GRIK1: variants seen among roughly 807,000 people sequenced by gnomAD.
GRIK1 encodes the protein glutamate receptor ionotropic, kainate 1.
Under a neutral mutation model 105.7 loss-of-function variants are expected in GRIK1, and 69 were observed. The observed-to-expected ratio is 0.65, with a 90% CI of 0.54 to 0.80. GRIK1 has a LOEUF of 0.80. GRIK1 is among the 30% of genes least tolerant of loss of function. GRIK1 has a pLI of 0.00. For synonymous variants in GRIK1, 438 were observed against 431.3 expected (o/e 1.02, Z -0.19); for missense variants, 1,109 against 1,167.3 (o/e 0.95, Z 0.73).
intron 4 of GRIK1, among the ~76,000 whole-genome samples, chr21:29,655,457 T>C (rs1002351082): frequency 3.9e-5 from 6 of 152,260 alleles, no homozygotes; most frequent in Middle Eastern, 3.4e-3. Context: ...TTTGGAGTTG[T>C]CCATAATGCA....
rs182494798 is a variant in GRIK1, at chr21:29,760,121, C to T, written c.119-66058G>A. 3.9e-5 allele frequency: 6 copies of T among 152,250 alleles called. No individual in the cohort carries two copies. In the East Asian group the frequency reaches 7.7e-4, roughly 20 times the overall value. The allele number at this position is 152,250 out of a possible 1,614,324, so 9.4% of individuals were successfully genotyped here. ...GATTGGCCTGTGGGAGATTTGAATC[C>T]GGTTTTTCTGACTCCAAAGCCTTAC... On this transcript the variant is annotated intron_variant, in intron 1 of 17. Coordinates refer to ENST00000327783, the MANE Select transcript of GRIK1 (RefSeq NM_001330994.2).
At chr21:29,808,916 A>G (rs1466034370) in intron 1 of GRIK1, among the ~76,000 whole-genome samples, 2 of 152,154 alleles carry the variant, frequency 1.3e-5, no homozygotes, top group African/African-American at 4.8e-5. Context: ...AGGCTGATAC[A>G]CTTTTTGAAT....
At chr21:29,932,581 T>C (rs1403546858) in intron 1 of GRIK1, among the ~76,000 whole-genome samples, 4 of 152,042 alleles carry the variant, frequency 2.6e-5, no homozygotes, top group Admixed American at 6.5e-5. Flanking sequence ...TTTCAAACAA[T>C]TAATTTAATT....
chr21:29,569,108 A>T (rs2090679025), intron 14 of GRIK1, among the ~76,000 whole-genome samples: 1 of 152,190 alleles, frequency 6.6e-6, no homozygotes, highest in Non-Finnish European at 1.5e-5. Context: ...CTTCTTCTGG[A>T]CTTTTCTGTC....
intron 1 of GRIK1, among the ~76,000 whole-genome samples, chr21:29,839,366 T>C (rs779988836): frequency 5.3e-5 from 8 of 152,188 alleles, no homozygotes; most frequent in Non-Finnish European, 1.2e-4. Flanking sequence ...TTTCTAGTTG[T>C]AATTTGAGTA....
intron 7 of GRIK1, among the ~76,000 whole-genome samples, chr21:29,619,583 A>C (rs1243048997): frequency 6.6e-6 from 1 of 151,996 alleles, no homozygotes; most frequent in Non-Finnish European, 1.5e-5. Flanking sequence ...ACCACTAAAT[A>C]ACTTACTTAT....
At chr21:29,868,302 C>T (rs2068896521) in intron 1 of GRIK1, among the ~76,000 whole-genome samples, 1 of 152,148 alleles carries the variant, frequency 6.6e-6, no homozygotes, top group African/African-American at 2.4e-5. Context: ...TTGTCTGAGA[C>T]ATATTTACTT....
chr21:29,590,277 A>G (rs2146288589), intron 10 of GRIK1, among the ~76,000 whole-genome samples: 1 of 152,328 alleles, frequency 6.6e-6, no homozygotes, highest in Admixed American at 6.5e-5. Context: ...CAATTCTCAC[A>G]AGTTAATAAT....
In GRIK1 at chr21:29,695,476, C is replaced by CATCTATA. The variant is rs1555874150; in HGVS notation, c.119-1414_119-1413insTATAGAT. 1.6e-4 allele frequency among the ~76,000 whole-genome samples: 23 copies of CATCTATA among 140,026 alleles called. No homozygotes were observed. In the East Asian group the frequency reaches 3.0e-3, roughly 18 times the overall value. The allele number at this position is 140,026 out of a possible 152,430, so 91.9% of individuals were successfully genotyped here. On this transcript the variant is annotated intron_variant, in intron 1 of 17. Coordinates refer to ENST00000327783, the MANE Select transcript of GRIK1 (RefSeq NM_001330994.2). The stretch of plus-strand genomic sequence containing the variant: ...TCTATCTATCTATCTATCTATCTAT[C>CATCTATA]TATATATATATATTTTGAGATGGAG...
intron 1 of GRIK1, among the ~76,000 whole-genome samples, chr21:29,878,264 G>T (rs1411916741): frequency 1.3e-5 from 2 of 152,156 alleles, no homozygotes; most frequent in Non-Finnish European, 2.9e-5. Flanking sequence ...CTCAGCAAGG[G>T]TTAATAAGGA....
At chr21:29,813,779 A>T (rs1004397529) in intron 1 of GRIK1, among the ~76,000 whole-genome samples, 58 of 152,042 alleles carry the variant, frequency 3.8e-4, no homozygotes, top group African/African-American at 1.2e-3. Flanking sequence ...CTCCTTACAT[A>T]ATACTGTAAT....
chr21:29,887,874 T>C (rs932178786), intron 1 of GRIK1, among the ~76,000 whole-genome samples: 2 of 152,080 alleles, frequency 1.3e-5, no homozygotes, highest in Admixed American at 6.6e-5. Context: ...CAAGGGAGAC[T>C]GGGAAAATGA....
intron 3 of GRIK1, among the ~76,000 whole-genome samples, chr21:29,687,544 A>G (rs968425600): frequency 2.6e-5 from 4 of 152,144 alleles, no homozygotes; most frequent in African/African-American, 7.2e-5. Flanking sequence ...AACTTGAATC[A>G]TCTCTCAATG....
chr21:29,890,548 G>T (rs1417422656), intron 1 of GRIK1, among the ~76,000 whole-genome samples: 1 of 152,108 alleles, frequency 6.6e-6, no homozygotes, highest in Non-Finnish European at 1.5e-5. Context: ...TGTAAGTACA[G>T]TTGTAGATCT....
intron 4 of GRIK1, among the ~76,000 whole-genome samples, 169 bp downstream of exon 4, chr21:29,672,814 C>T (rs1420210176): frequency 6.6e-6 from 1 of 152,232 alleles, no homozygotes; most frequent in East Asian, 1.9e-4. Flanking sequence ...GCCCCATGAA[C>T]TCTCTGAGCC....
At chr21:29,637,548 T>C (rs1304610910) in intron 7 of GRIK1, among the ~76,000 whole-genome samples, 1 of 152,318 alleles carries the variant, frequency 6.6e-6, no homozygotes, top group East Asian at 1.9e-4. Flanking sequence ...GGGAGGTGAA[T>C]GGATGGCACT....
chr21:29,650,708 A>G (rs1046971758), intron 6 of GRIK1, among the ~76,000 whole-genome samples: 3 of 152,212 alleles, frequency 2.0e-5, no homozygotes, highest in Admixed American at 6.5e-5. Context: ...ACATTTTTCC[A>G]CACTGGCTTT....
At position 29,933,066 on chromosome 21, in the gene GRIK1, C is replaced by A. The variant is rs2071628726; in HGVS notation, c.118+6317G>T. ...AATAAGTATTAAACATCTAAGTATA[C>A]CTTTTTTAAAGAAAAAATATTTATT... is the stretch of plus-strand genomic sequence containing the variant. On this transcript the variant is annotated intron_variant, in intron 1 of 17. Transcript: ENST00000327783. 2.0e-5 allele frequency among the ~76,000 whole-genome samples: 3 copies of A among 151,802 alleles called. No homozygotes were observed. The South Asian group carries it at 6.2e-4, about 32-fold the overall frequency.
chr21:29,904,242 G>T (rs1569206025), intron 1 of GRIK1, among the ~76,000 whole-genome samples: 1 of 151,732 alleles, frequency 6.6e-6, no homozygotes, highest in Admixed American at 6.6e-5. Context: ...TGCACGTTCT[G>T]CACATGTATC....
Sources: gnomAD v4.1 joint callset for allele counts (sites outside exome capture counted in the v4.1 genomes callset) on GRCh38, gnomAD v4.1.1 for gene constraint, MANE v1.5 for transcripts, NCBI Gene and HGNC (gene_info 2026-07-23, HGNC 2026-07-21) for gene names.